The following FCHSD2 variants were observed in gnomAD, a reference collection of about 807,000 sequenced individuals.
FCHSD2 encodes the protein FCH and double SH3 domains 2, also known as F-BAR and double SH3 domains protein 2.
Under a neutral mutation model 108.1 loss-of-function variants are expected in FCHSD2, and 38 were observed. The observed-to-expected ratio is 0.35, with a 90% CI of 0.27 to 0.46. FCHSD2 has a LOEUF of 0.46. Among genes scored for constraint, FCHSD2 ranks in the 20% least tolerant of loss-of-function variants. The pLI is 1.00. For synonymous variants in FCHSD2, 279 were observed against 314.7 expected (o/e 0.89, Z 1.20); for missense variants, 751 against 897.8 (o/e 0.84, Z 2.09).
intron 17 of FCHSD2, 80 bp downstream of exon 17, chr11:72,842,541 C>T: frequency 1.3e-6 from 2 of 1,568,984 alleles, no homozygotes; most frequent in East Asian, 2.2e-5. Flanking sequence ...CTGCAGCCCA[C>T]TTTTGTGTGG....
chr11:73,011,112 G>A (rs1269907096), intron 4 of FCHSD2, among the ~76,000 whole-genome samples: 2 of 152,186 alleles, frequency 1.3e-5, no homozygotes, highest in African/African-American at 2.4e-5. Flanking sequence ...AATGGTGGTA[G>A]AATGTGCTGG....
chr11:72,980,500 T>C (rs1857191869), intron 8 of FCHSD2, among the ~76,000 whole-genome samples: 1 of 151,936 alleles, frequency 6.6e-6, no homozygotes. Flanking sequence ...TTAACGAGGA[T>C]AACAAAGAAA....
intron 10 of FCHSD2, among the ~76,000 whole-genome samples, chr11:72,890,870 A>G (rs1419740668): frequency 6.6e-6 from 1 of 152,294 alleles, no homozygotes; most frequent in African/African-American, 2.4e-5. Context: ...CCCAAGAAAA[A>G]CAAACTTTAT....
intron 4 of FCHSD2, among the ~76,000 whole-genome samples, chr11:73,008,318 G>T (rs1021135662): frequency 6.6e-6 from 1 of 151,984 alleles, no homozygotes; most frequent in Non-Finnish European, 1.5e-5. Flanking sequence ...CAGCCTGGGC[G>T]ACAGACCGAG....
chr11:72,948,807 A>G (rs1370502680), intron 8 of FCHSD2, among the ~76,000 whole-genome samples: 1 of 151,882 alleles, frequency 6.6e-6, no homozygotes, highest in Non-Finnish European at 1.5e-5. Context: ...CTGGGACTAC[A>G]GGTGCCCGCC....
chr11:73,047,773 T>G (rs1858802456), intron 3 of FCHSD2, among the ~76,000 whole-genome samples: 1 of 152,216 alleles, frequency 6.6e-6, no homozygotes, highest in Non-Finnish European at 1.5e-5. Context: ...ATTGACTTTT[T>G]TATAATGTGC....
chr11:73,024,737 C>T (rs531216742), intron 3 of FCHSD2, among the ~76,000 whole-genome samples: 21 of 151,962 alleles, frequency 1.4e-4, no homozygotes, highest in Non-Finnish European at 2.4e-4. Flanking sequence ...CTGCAAACTA[C>T]GCATCCCACA....
chr11:73,096,990 T>TTTTTTTG (rs1368430251), intron 2 of FCHSD2, among the ~76,000 whole-genome samples: 3 of 63,872 alleles, frequency 4.7e-5, no homozygotes, highest in African/African-American at 1.7e-4. Flanking sequence ...TTGATGGATT[T>TTTTTTTG]TTTTTTTTTT....
intron 9 of FCHSD2, among the ~76,000 whole-genome samples, chr11:72,908,745 C>A (rs1855686754): frequency 6.6e-6 from 1 of 152,198 alleles, no homozygotes; most frequent in Non-Finnish European, 1.5e-5. Flanking sequence ...CAGCTCACTG[C>A]AGCCTCTGCC....
chr11:72,900,233 G>A (rs1341987944), intron 10 of FCHSD2: 10 of 486,090 alleles, frequency 2.1e-5, no homozygotes, highest in South Asian at 1.2e-4. Flanking sequence ...CATCCCTCCC[G>A]CCCTTGACCC....
At chr11:73,134,048 C>G (rs560747602) in intron 2 of FCHSD2, among the ~76,000 whole-genome samples, 13 of 151,560 alleles carry the variant, frequency 8.6e-5, no homozygotes, top group African/African-American at 2.2e-4. Context: ...ATATGATATA[C>G]AGTCACATCA....
At chr11:73,001,569 G>A (rs1857626483) in intron 4 of FCHSD2, among the ~76,000 whole-genome samples, 1 of 152,140 alleles carries the variant, frequency 6.6e-6, no homozygotes, top group Admixed American at 6.5e-5. Flanking sequence ...ATAAGAAGAA[G>A]GTGGCACTAC....
chr11:73,113,353 CTTTTTTTTTTTTTTTTT>C (rs35979371), intron 2 of FCHSD2, among the ~76,000 whole-genome samples: 1 of 29,894 alleles, frequency 3.3e-5, no homozygotes, highest in Non-Finnish European at 6.2e-5. Context: ...CCAAGATGGT[CTTTTTTTTTTTTTTTTT>C]TTTTTTTTTT....
chr11:73,113,473 A>G (rs1860538445), intron 2 of FCHSD2, among the ~76,000 whole-genome samples: 1 of 140,038 alleles, frequency 7.1e-6, no homozygotes, highest in Non-Finnish European at 1.5e-5. Context: ...GGCTTAAGTG[A>G]TCCTCCCACC....
At chr11:72,898,969 T>C (rs1855475018) in intron 10 of FCHSD2, among the ~76,000 whole-genome samples, 1 of 152,130 alleles carries the variant, frequency 6.6e-6, no homozygotes, top group Non-Finnish European at 1.5e-5. Flanking sequence ...GGTCTCGAAC[T>C]CCTGGGCTCA....
chr11:73,014,718 A>G (rs1857932575), intron 4 of FCHSD2, among the ~76,000 whole-genome samples: 1 of 152,198 alleles, frequency 6.6e-6, no homozygotes, highest in Non-Finnish European at 1.5e-5. Flanking sequence ...TTTGAAGGGT[A>G]TTTGGTCATA....
At chr11:72,921,267 C>A (rs112858988) in intron 9 of FCHSD2, among the ~76,000 whole-genome samples, 1 of 152,154 alleles carries the variant, frequency 6.6e-6, no homozygotes, top group Non-Finnish European at 1.5e-5. Flanking sequence ...TCTATCAAAT[C>A]TTGAAGAAAA....
At chr11:72,934,667 T>C (rs950307237) in intron 8 of FCHSD2, among the ~76,000 whole-genome samples, 3 of 152,140 alleles carry the variant, frequency 2.0e-5, no homozygotes, top group Non-Finnish European at 2.9e-5. Flanking sequence ...AATTCACTTA[T>C]AAATGCTCAG....
intron 3 of FCHSD2, among the ~76,000 whole-genome samples, chr11:73,020,469 C>T (rs1591487534): frequency 2.0e-5 from 3 of 152,140 alleles, no homozygotes; most frequent in East Asian, 1.9e-4. Context: ...ATGAAATTCC[C>T]GGCATTATGC....
Sources: allele counts gnomAD v4.1 joint callset (sites outside exome capture counted in the v4.1 genomes callset), GRCh38; gene constraint gnomAD v4.1.1; transcripts MANE v1.5; gene names NCBI Gene and HGNC (gene_info 2026-07-23, HGNC 2026-07-21).